Variants in AGBL1 observed in about 807,000 individuals in gnomAD.
AGBL1 encodes AGBL carboxypeptidase 1.
In AGBL1, 130 loss-of-function variants were observed where a neutral mutation model predicts 118.9. The observed-to-expected ratio is 1.09, with a 90% CI of 0.95 to 1.26. AGBL1 has a LOEUF of 1.26. Among genes scored for constraint, AGBL1 ranks in the 50% most tolerant of loss-of-function variants. The pLI, the probability that AGBL1 is intolerant of heterozygous loss-of-function variation, is 0.00. For synonymous variants in AGBL1, 555 were observed against 478.9 expected, an observed-to-expected ratio of 1.16 and a Z score of -2.08; for missense variants, 1,584 against 1,298.1, an observed-to-expected ratio of 1.22 and a Z score of -3.38.
At chr15:86,080,147 A>G (rs1380230875) in intron 1 of AGBL1, 124 bp downstream of exon 1, 5 of 674,286 alleles carry the variant, frequency 7.4e-6, no homozygotes, top group African/African-American at 1.8e-5. Flanking sequence ...ACAGCAAGAG[A>G]ACAGGAGTCG....
intron 5 of AGBL1, among the ~76,000 whole-genome samples, chr15:86,193,405 T>C (rs2077753156): frequency 6.6e-6 from 1 of 152,198 alleles, no homozygotes; most frequent in African/African-American, 2.4e-5. Context: ...AATGATGCAA[T>C]AGAGCCCATT....
At chr15:86,985,617 T>G (rs2081273375) in intron 23 of AGBL1, among the ~76,000 whole-genome samples, 1 of 68,154 alleles carries the variant, frequency 1.5e-5, no homozygotes, top group Admixed American at 1.5e-4. Flanking sequence ...AAAAATTTTT[T>G]GTTCCAATTT....
intron 5 of AGBL1, among the ~76,000 whole-genome samples, chr15:86,162,814 T>C (rs577294600): frequency 6.6e-6 from 1 of 152,316 alleles, no homozygotes; most frequent in East Asian, 1.9e-4. Context: ...GAGTGTGGCA[T>C]TCCCTCTTCT....
chr15:86,990,723 A>T (rs1401357252), intron 24 of AGBL1, among the ~76,000 whole-genome samples: 1 of 152,170 alleles, frequency 6.6e-6, no homozygotes, highest in Admixed American at 6.5e-5. Context: ...ATACCTGCAC[A>T]TGTTTAAAGA....
At chr15:86,471,162 G>T (rs1260742738) in intron 18 of AGBL1, among the ~76,000 whole-genome samples, 1 of 152,104 alleles carries the variant, frequency 6.6e-6, no homozygotes, top group Non-Finnish European at 1.5e-5. Context: ...TTGTGGGATT[G>T]ACATAAATGG....
chr15:86,991,380 C>T (rs1465509693), intron 24 of AGBL1, among the ~76,000 whole-genome samples: 4 of 152,084 alleles, frequency 2.6e-5, no homozygotes, highest in East Asian at 3.9e-4. Flanking sequence ...CCATTTCCAT[C>T]GTTTCCCCAA....
rs1160669196 is a variant in AGBL1, at chr15:86,909,145, C to T, written c.*1851C>T. On this transcript the variant is annotated 3_prime_UTR_variant, in exon 23 of 23. Coordinates refer to ENST00000614907, the MANE Select transcript of AGBL1 (RefSeq NM_001386094.1). Reference sequence around the variant, plus strand: ...ACATAATATTTCTTCTTAATCCCACCGGCTGAAAAAAATGGGCCTATAGCC... The same window carrying T: ...ACATAATATTTCTTCTTAATCCCACTGGCTGAAAAAAATGGGCCTATAGCC... The T allele has an allele frequency of 5.9e-5, 9 of 152,040 alleles. No individual in the cohort carries two copies. Among genetic ancestry groups the T allele is most frequent in the Non-Finnish European group, 1.2e-4 (8 of 68,016 alleles). The allele number at this position is 152,040 out of a possible 1,614,324, so 9.4% of individuals were successfully genotyped here. A position where few individuals can be genotyped will look rare whatever the true frequency, so the allele number is the denominator to read the frequency against.
chr15:86,266,542 T>A (rs1341781359), intron 12 of AGBL1, 85 bp downstream of exon 12: 11 of 914,244 alleles, frequency 1.2e-5, no homozygotes, highest in Non-Finnish European at 1.8e-5. Context: ...CTGTTAATAA[T>A]CCACTCCTCC....
At chr15:86,132,660 G>A (rs1040247013) in intron 1 of AGBL1, among the ~76,000 whole-genome samples, 6 of 152,146 alleles carry the variant, frequency 3.9e-5, no homozygotes, top group Admixed American at 3.3e-4. Flanking sequence ...GAACCTTTTA[G>A]GCATGTGAGG....
intron 17 of AGBL1, among the ~76,000 whole-genome samples, chr15:86,371,596 G>A (rs973168793): frequency 9.9e-5 from 15 of 151,832 alleles, no homozygotes; most frequent in African/African-American, 2.2e-4. Flanking sequence ...ACTATTATAC[G>A]TCATTATTAT....
At chr15:86,460,318 C>CAA (rs1168019827) in intron 18 of AGBL1, among the ~76,000 whole-genome samples, 2,247 of 36,604 alleles carry the variant, frequency 0.061, 550 homozygotes, top group Non-Finnish European at 0.079. Flanking sequence ...CCTATCTCTA[C>CAA]AAAAAAAAAA....
At chr15:86,453,428 C>T (rs1029998609) in intron 18 of AGBL1, among the ~76,000 whole-genome samples, 1 of 152,124 alleles carries the variant, frequency 6.6e-6, no homozygotes, top group Admixed American at 6.5e-5. Context: ...TCTAACATTG[C>T]TTTGTGAAGG....
chr15:86,657,301 C>T (rs2469186), intron 21 of AGBL1, among the ~76,000 whole-genome samples: 35 of 152,238 alleles, frequency 2.3e-4, no homozygotes, highest in Non-Finnish European at 4.4e-4. Context: ...GGTAAGAGCT[C>T]GTTTCCTCCT....
rs150728985 is a variant in AGBL1, at chr15:86,633,277, C to T, written c.2995-40996C>T. ...TAGCTTTTATGGTTTCTTGCACACACGTTAATTATTACCTATATCATTAAG... is the reference window on the plus strand; with the variant it reads ...TAGCTTTTATGGTTTCTTGCACACATGTTAATTATTACCTATATCATTAAG... On this transcript the variant is annotated intron_variant, in intron 21 of 22. Transcript: ENST00000614907. Among the ~76,000 whole-genome samples, 5 of 152,068 alleles carry T rather than the reference C, an allele frequency of 3.3e-5. No individual in the cohort carries two copies. In the East Asian group the frequency reaches 5.8e-4, roughly 18 times the overall value.
At chr15:86,917,620 G>A (rs192963206), downstream of AGBL1, among the ~76,000 whole-genome samples, 148 of 152,272 alleles carry the variant, frequency 9.7e-4, no homozygotes, top group African/African-American at 3.3e-3. This position sits in a 1 kb window ranked among gnomAD's most constrained non-coding sequence, Gnocchi z 4.8. Context: ...ATTGCGAAGC[G>A]TAGAGATTCA....
intron 1 of AGBL1, among the ~76,000 whole-genome samples, chr15:86,118,473 CAAA>C (rs55759602): frequency 6.9e-6 from 1 of 145,310 alleles, no homozygotes. Flanking sequence ...AATTACACTT[CAAA>C]AAAAAAAAAG....
intron 18 of AGBL1, among the ~76,000 whole-genome samples, chr15:86,454,136 T>A (rs1267340053): frequency 5.3e-5 from 8 of 152,204 alleles, no homozygotes; most frequent in Non-Finnish European, 1.2e-4. Flanking sequence ...TATGGAAGAC[T>A]GTTATTTCTG....
intron 21 of AGBL1, among the ~76,000 whole-genome samples, chr15:86,597,121 T>C (rs572156892): frequency 2.9e-5 from 4 of 137,706 alleles, no homozygotes; most frequent in African/African-American, 1.2e-4. Flanking sequence ...TCTGTCTATC[T>C]AATCTACCTA....
chr15:87,021,778 C>T (rs2081667312), intron 24 of AGBL1, among the ~76,000 whole-genome samples: 1 of 152,126 alleles, frequency 6.6e-6, no homozygotes, highest in East Asian at 1.9e-4. Flanking sequence ...GCAGCTCTAA[C>T]TCAGACAGAG....
Sources: allele counts gnomAD v4.1 joint callset (sites outside exome capture counted in the v4.1 genomes callset), GRCh38; gene constraint gnomAD v4.1.1; non-coding constraint Gnocchi (gnomAD v3.1); transcripts MANE v1.5; gene names NCBI Gene and HGNC (gene_info 2026-07-23, HGNC 2026-07-21).